PTPRJ: variants seen among roughly 807,000 people sequenced by gnomAD.
PTPRJ encodes the protein receptor-type tyrosine-protein phosphatase eta.
PTPRJ carries 129 observed loss-of-function variants against 141.3 expected under a neutral mutation model. The observed-to-expected ratio is 0.91, with a 90% CI of 0.79 to 1.06. The LOEUF is 1.06. Among genes scored for constraint, PTPRJ ranks in the 50% least tolerant of loss-of-function variants. The probability of loss-of-function intolerance (pLI) is 0.00; values close to 1 mark genes in which losing one functional copy is unlikely to be tolerated. For synonymous variants in PTPRJ, 610 were observed against 640.5 expected, an observed-to-expected ratio of 0.95 and a Z score of 0.72; for missense variants, 1,601 against 1,679.7, an observed-to-expected ratio of 0.95 and a Z score of 0.82.
rs555104266 is a variant in PTPRJ, at chr11:48,125,160, A to G, written c.1067A>G (p.Gln356Arg). ...YSQAANGTEG[Q>R]PQAIEFRTNA... ...CAAGCAGCGAATGGCACAGAAGGAC[A>G]GCCCCAGGCCATAGAGTTCAGGACA... is the stretch of plus-strand genomic sequence containing the variant. The change falls in exon 6 of 25, where the codon CAG becomes CGG. Residue 356 changes from glutamine (Q) to arginine (R), a missense_variant. Gln to Arg is a conservative substitution (Grantham distance 43). Coordinates refer to ENST00000418331, the MANE Select transcript of PTPRJ (RefSeq NM_002843.4). The G allele has an allele frequency of 2.5e-6, 4 of 1,614,178 alleles. No individual in the cohort carries two copies. In the South Asian group the frequency reaches 4.4e-5, roughly 18 times the overall value.
chr11:47,992,465 G>C (rs1003271753), intron 1 of PTPRJ, among the ~76,000 whole-genome samples: 1 of 152,114 alleles, frequency 6.6e-6, no homozygotes, highest in Admixed American at 6.6e-5. Flanking sequence ...GAGTCACCGC[G>C]CCCAAGTATA....
chr11:48,110,038 GTTTTCT>G lies in PTPRJ; in HGVS notation c.97-13_97-8del, dbSNP rs775772417. ...TGGCTGAATGAATCTGCTGACTTCC[GTTTTCT>G]TTTTCTGTTTCAGATCCTGTGCGCA... is the stretch of plus-strand genomic sequence containing the variant. On this transcript the variant is annotated splice_polypyrimidine_tract_variant and intron_variant, in intron 1 of 24. Transcript: ENST00000418331. The G allele has an allele frequency of 6.2e-7, 1 of 1,613,602 alleles. No homozygotes were observed. Among genetic ancestry groups the G allele is most frequent in the Non-Finnish European group, 8.5e-7 (1 of 1,179,664 alleles).
intron 5 of PTPRJ, among the ~76,000 whole-genome samples, chr11:48,124,225 G>T (rs1030972983): frequency 1.3e-5 from 2 of 152,208 alleles, no homozygotes; most frequent in Non-Finnish European, 2.9e-5. Context: ...GTTGTCATTT[G>T]CAGGTTTCAT....
intron 12 of PTPRJ, 139 bp from the exon 13 acceptor site, chr11:48,144,536 G>C: frequency 1.4e-6 from 1 of 689,964 alleles, no homozygotes. Context: ...TTCAATGTAA[G>C]TCAAACCTGG....
Position 48,139,498 on chromosome 11 carries a change from TG to T in PTPRJ, c.2167del (p.Ala723ProfsTer61). ...RKSFCTDPAS[M>X]ASFDCEVVPK... is the part of the protein sequence containing the mutation. ...ACTTGCTTTGCAGATCCTGCGTCCATGGCCTCCTTCGACTGCGAAGTGGTCC... is the reference window on the plus strand; with the variant it reads ...ACTTGCTTTGCAGATCCTGCGTCCATGCCTCCTTCGACTGCGAAGTGGTCC... On this transcript the variant is annotated frameshift_variant, in exon 11 of 25. Coordinates refer to ENST00000418331, the MANE Select transcript of PTPRJ (RefSeq NM_002843.4). LOFTEE classifies it high-confidence loss of function. 6.2e-7 allele frequency: 1 copy of T among 1,613,834 alleles called. No homozygotes were observed. The highest frequency in any genetic ancestry group is 8.5e-7 in the Non-Finnish European group (1 of 1,179,694).
intron 1 of PTPRJ, among the ~76,000 whole-genome samples, chr11:48,026,411 T>C (rs761361632): frequency 8.6e-5 from 13 of 151,930 alleles, no homozygotes; most frequent in Non-Finnish European, 1.3e-4. Context: ...ATCTCTGACT[T>C]GGAAAGGCAG....
At chr11:48,049,714 CAAAA>C (rs397713247) in intron 1 of PTPRJ, among the ~76,000 whole-genome samples, 2 of 50,594 alleles carry the variant, frequency 4.0e-5, no homozygotes. Context: ...AACTCTGTCT[CAAAA>C]AAAAAAAAAA....
chr11:48,125,907 G>T (rs1856817617), intron 6 of PTPRJ, among the ~76,000 whole-genome samples: 1 of 152,136 alleles, frequency 6.6e-6, no homozygotes, highest in Admixed American at 6.6e-5. Flanking sequence ...GTGGGAGTGG[G>T]TGGGGAGGAT....
rs1031113799 is a variant in PTPRJ at position 47,980,633 on chromosome 11, G to T, written c.-280G>T. 5.1e-6 allele frequency: 5 copies of T among 983,936 alleles called. No individual in the cohort carries two copies. Among genetic ancestry groups the T allele is most frequent in the Non-Finnish European group, 6.0e-6 (5 of 830,010 alleles). 61.0% of individuals were successfully genotyped at this position (983,936 alleles called of 1,614,324 possible). On this transcript the variant is annotated 5_prime_UTR_variant, in exon 1 of 25. Transcript: ENST00000418331. ...GCCGGGACCGGGTAGCCGCGCGCTG[G>T]GGGTGGGCGCCGCTCGCTCCGCCCC...
chr11:48,054,822 T>C (rs903138101), intron 1 of PTPRJ, among the ~76,000 whole-genome samples: 3 of 151,874 alleles, frequency 2.0e-5, no homozygotes, highest in Non-Finnish European at 4.4e-5. Flanking sequence ...TCTTTCTTTT[T>C]TTTTTTTTTA....
At chr11:48,086,124 A>G (rs1316018202) in intron 1 of PTPRJ, among the ~76,000 whole-genome samples, 6 of 152,352 alleles carry the variant, frequency 3.9e-5, no homozygotes, top group South Asian at 4.1e-4. Context: ...GGTGACATGT[A>G]AAGCTGAACA....
At chr11:48,036,716 A>T (rs1162296847) in intron 1 of PTPRJ, among the ~76,000 whole-genome samples, 1 of 152,176 alleles carries the variant, frequency 6.6e-6, no homozygotes, top group African/African-American at 2.4e-5. Context: ...AGAGAAAGTG[A>T]GGATTTAAAG....
chr11:48,161,234 T>C (rs1857766620), intron 22 of PTPRJ, among the ~76,000 whole-genome samples: 2 of 143,696 alleles, frequency 1.4e-5, no homozygotes, highest in South Asian at 4.5e-4. Context: ...ATAATTACCA[T>C]GGGGACATGG....
intron 10 of PTPRJ, among the ~76,000 whole-genome samples, chr11:48,139,123 A>G (rs975095410): frequency 1.3e-5 from 2 of 151,422 alleles, no homozygotes; most frequent in Non-Finnish European, 2.9e-5. Flanking sequence ...ACAGAGCGAG[A>G]CTCCGTCTCA....
chr11:48,128,023 G>T lies in PTPRJ; in HGVS notation c.1337G>T (p.Gly446Val). ...CTAGGTGACATCGAGGGCACGCCGGGCTTCCTCCAAGTGCACACCCGTGAG... is the reference window on the plus strand; with the variant it reads ...CTAGGTGACATCGAGGGCACGCCGGTCTTCCTCCAAGTGCACACCCGTGAG... ...PVLGDIEGTP[G>V]FLQVHTPPVP... Residue 446 changes from glycine to valine, a missense_variant, in exon 7 of 25, where the codon GGC becomes GTC. Physicochemically the swap from Gly to Val is moderately radical, Grantham distance 109 (BLOSUM62 -3). Transcript: ENST00000418331. The T allele has an allele frequency of 6.2e-7, 1 of 1,613,220 alleles. No individual in the cohort carries two copies. The highest frequency in any genetic ancestry group is 8.5e-7 in the Non-Finnish European group (1 of 1,179,276).
At position 48,139,539 on chromosome 11, in the gene PTPRJ, C is replaced by G. The variant is rs1857184808; in HGVS notation, c.2206C>G (p.Leu736Val). 3 of 1,614,242 alleles carry G rather than the reference C, an allele frequency of 1.9e-6. No individual in the cohort carries two copies. Among genetic ancestry groups the G allele is most frequent in the Non-Finnish European group, 2.5e-6 (3 of 1,180,046 alleles). ...DCEVVPKEPA[L>V]VLKWTCPPGA... Reference sequence around the variant, plus strand: ...CGAAGTGGTCCCCAAAGAGCCAGCCCTGGTTCTCAAATGGACCTGCCCTCC... The same window carrying G: ...CGAAGTGGTCCCCAAAGAGCCAGCCGTGGTTCTCAAATGGACCTGCCCTCC... The change falls in exon 11 of 25, where the codon CTG becomes GTG. Residue 736 changes from leucine to valine, a missense_variant. Coordinates refer to ENST00000418331, the MANE Select transcript of PTPRJ (RefSeq NM_002843.4).
intron 22 of PTPRJ, 140 bp downstream of exon 22, chr11:48,160,189 C>A: frequency 8.3e-7 from 1 of 1,208,392 alleles, no homozygotes; most frequent in Non-Finnish European, 1.2e-6. Context: ...CAGAACAGAA[C>A]AATCCATATG....
intron 1 of PTPRJ, among the ~76,000 whole-genome samples, chr11:47,998,810 A>G (rs1242330470): frequency 6.6e-6 from 1 of 152,200 alleles, no homozygotes; most frequent in East Asian, 1.9e-4. Flanking sequence ...ATCTACTTGA[A>G]TAATCTGTCT....
At chr11:48,005,017 T>C (rs1590397115) in intron 1 of PTPRJ, among the ~76,000 whole-genome samples, 1 of 150,750 alleles carries the variant, frequency 6.6e-6, no homozygotes, top group South Asian at 2.1e-4. Context: ...AGGTCAGGAG[T>C]TCAAGATCAG....
Sources: allele counts gnomAD v4.1 joint callset (sites outside exome capture counted in the v4.1 genomes callset), GRCh38; gene constraint gnomAD v4.1.1; transcripts MANE v1.5; gene names NCBI Gene and HGNC (gene_info 2026-07-23, HGNC 2026-07-21).